Variants in STARD3NL observed in about 807,000 individuals in gnomAD.
STARD3NL encodes STARD3 N-terminal-like protein.
STARD3NL carries 17 observed loss-of-function variants against 30.9 expected under a neutral mutation model. The ratio of observed to expected loss-of-function variants is 0.55; its 90% CI spans 0.38 to 0.82. The LOEUF is 0.82. Among genes scored for constraint, STARD3NL ranks in the 40% least tolerant of loss-of-function variants. STARD3NL has a pLI of 0.00. For synonymous variants in STARD3NL, 112 were observed against 100.5 expected (o/e 1.11, Z -0.69); for missense variants, 234 against 277.6 (o/e 0.84, Z 1.12).
chr7:38,184,387 C>G (rs561287257), intron 1 of STARD3NL, among the ~76,000 whole-genome samples: 66 of 151,938 alleles, frequency 4.3e-4, no homozygotes, highest in African/African-American at 1.5e-3. Flanking sequence ...TTAATTGGCT[C>G]ACAGTTCTGC....
rs538059739 is a variant in STARD3NL at position 38,222,583 on chromosome 7, A to G, written c.649+2923A>G. Among the ~76,000 whole-genome samples the G allele has an allele frequency of 5.3e-5, 8 of 152,316 alleles. No individual in the cohort carries two copies. The South Asian group carries it at 6.2e-4, about 12-fold the overall frequency. ...TTCTTAACTAGAGTTCAGAACATAG[A>G]ATAGTAGTGATACGAGGAACACGGT... is the stretch of plus-strand genomic sequence containing the variant. On this transcript the variant is annotated intron_variant, in intron 7 of 8. Coordinates refer to ENST00000009041, the MANE Select transcript of STARD3NL (RefSeq NM_032016.4).
At chr7:38,206,455 A>C (rs115420345) in intron 1 of STARD3NL, among the ~76,000 whole-genome samples, 249 of 152,248 alleles carry the variant, frequency 1.6e-3, no homozygotes, top group African/African-American at 5.8e-3. Flanking sequence ...ACCATCCACC[A>C]CACTTCGTTT....
intron 1 of STARD3NL, among the ~76,000 whole-genome samples, chr7:38,180,269 G>T (rs891009851): frequency 6.6e-6 from 1 of 152,168 alleles, no homozygotes; most frequent in African/African-American, 2.4e-5. Context: ...GATGTAGTTT[G>T]TTTCCTTTCC....
chr7:38,203,022 T>G (rs1223879421), intron 1 of STARD3NL, among the ~76,000 whole-genome samples: 1 of 121,932 alleles, frequency 8.2e-6, no homozygotes, highest in African/African-American at 2.8e-5. Flanking sequence ...TGAATAGTGC[T>G]GCAATAAACA....
chr7:38,195,080 C>T (rs2116058230), intron 1 of STARD3NL, among the ~76,000 whole-genome samples: 1 of 152,192 alleles, frequency 6.6e-6, no homozygotes, highest in South Asian at 2.1e-4. Context: ...TATATTTGGA[C>T]TGAGTCTTGC....
intron 2 of STARD3NL, among the ~76,000 whole-genome samples, chr7:38,212,764 T>C (rs902642013): frequency 5.9e-5 from 9 of 152,144 alleles, no homozygotes; most frequent in African/African-American, 1.9e-4. Context: ...ATGAGAAGAC[T>C]TGTTGATAGG....
intron 1 of STARD3NL, among the ~76,000 whole-genome samples, chr7:38,201,177 A>T (rs966429924): frequency 6.6e-6 from 1 of 152,234 alleles, no homozygotes; most frequent in Admixed American, 6.5e-5. Context: ...CCAGAGAAAG[A>T]TCAGTTTGAT....
intron 1 of STARD3NL, among the ~76,000 whole-genome samples, chr7:38,202,682 T>C (rs1451030193): frequency 2.6e-5 from 4 of 151,638 alleles, no homozygotes; most frequent in Non-Finnish European, 5.9e-5. Context: ...CATTAACTCA[T>C]CATTTACATT....
Position 38,215,114 on chromosome 7 carries a change from G to C in STARD3NL, c.381+9G>C, listed in dbSNP as rs747933458. Reference sequence around the variant, plus strand: ...ATTGGTGGGCAATAGCGGTGAGTATGCCCTGCATGAGTGGGTCATCTCCTC... The same window carrying C: ...ATTGGTGGGCAATAGCGGTGAGTATCCCCTGCATGAGTGGGTCATCTCCTC... On this transcript the variant is annotated intron_variant, in intron 4 of 8. Coordinates refer to ENST00000009041, the MANE Select transcript of STARD3NL (RefSeq NM_032016.4). The C allele has an allele frequency of 2.5e-6, 4 of 1,613,700 alleles. No homozygotes were observed. The highest frequency in any genetic ancestry group is 3.4e-6 in the Non-Finnish European group (4 of 1,179,742).
intron 1 of STARD3NL, among the ~76,000 whole-genome samples, chr7:38,193,263 C>T (rs1784764186): frequency 6.7e-6 from 1 of 150,322 alleles, no homozygotes; most frequent in South Asian, 2.1e-4. Context: ...AATGTCTGTC[C>T]TCCTATTAGG....
intron 1 of STARD3NL, among the ~76,000 whole-genome samples, chr7:38,184,032 A>T (rs1784353486): frequency 6.6e-6 from 1 of 152,188 alleles, no homozygotes; most frequent in South Asian, 2.1e-4. Flanking sequence ...GGGTGCTAAG[A>T]ATATAGAATG....
intron 7 of STARD3NL, among the ~76,000 whole-genome samples, chr7:38,228,557 G>A (rs567968581): frequency 1.3e-5 from 2 of 152,324 alleles, no homozygotes; most frequent in Admixed American, 1.3e-4. Flanking sequence ...AATATTCTTA[G>A]TACATAAGTG....
rs891004687 is a variant in STARD3NL at position 38,219,415 on chromosome 7, A to G, written c.554-150A>G. The G allele has an allele frequency of 1.6e-4, 86 of 529,532 alleles. No individual in the cohort carries two copies. The East Asian group carries it at 2.7e-3, about 17-fold the overall frequency. The allele number at this position is 529,532 out of a possible 1,614,324, so 32.8% of individuals were successfully genotyped here. A position where few individuals can be genotyped will look rare whatever the true frequency, so the allele number is the denominator to read the frequency against. ...GTATTGTTTGTCATTTGTTAATGAAACTTATTGTTTGGTTGAAACATTTTT... is the reference window on the plus strand; with the variant it reads ...GTATTGTTTGTCATTTGTTAATGAAGCTTATTGTTTGGTTGAAACATTTTT... On this transcript the variant is annotated intron_variant, in intron 6 of 8. Coordinates refer to ENST00000009041, the MANE Select transcript of STARD3NL (RefSeq NM_032016.4).
At chr7:38,180,176 C>A (rs1330732065) in intron 1 of STARD3NL, among the ~76,000 whole-genome samples, 3 of 152,234 alleles carry the variant, frequency 2.0e-5, no homozygotes, top group Admixed American at 6.5e-5. Context: ...GTTATGAAAT[C>A]ATTGCAGTAA....
At chr7:38,219,481 A>T in intron 6 of STARD3NL, 84 bp from the exon 7 acceptor site, 1 of 895,218 alleles carries the variant, frequency 1.1e-6, no homozygotes, top group Non-Finnish European at 1.8e-6. Flanking sequence ...TGTAATAATA[A>T]TACCATTTTA....
At chr7:38,186,938 A>G (rs1583772787) in intron 1 of STARD3NL, among the ~76,000 whole-genome samples, 1 of 152,220 alleles carries the variant, frequency 6.6e-6, no homozygotes, top group East Asian at 1.9e-4. Context: ...CTGTGAGAAT[A>G]AAAGGTTGGA....
intron 2 of STARD3NL, among the ~76,000 whole-genome samples, chr7:38,212,336 C>T (rs1451101139): frequency 6.6e-6 from 1 of 152,154 alleles, no homozygotes; most frequent in African/African-American, 2.4e-5. Flanking sequence ...GACCCTTCTA[C>T]TAGTTGTTTC....
intron 7 of STARD3NL, among the ~76,000 whole-genome samples, chr7:38,226,782 C>T (rs1296505461): frequency 6.6e-6 from 1 of 152,194 alleles, no homozygotes; most frequent in African/African-American, 2.4e-5. Flanking sequence ...GTCAGTGTCA[C>T]TGGGCATGAG....
intron 2 of STARD3NL, among the ~76,000 whole-genome samples, chr7:38,209,716 G>C (rs1430111004): frequency 6.6e-6 from 1 of 152,164 alleles, no homozygotes; most frequent in Non-Finnish European, 1.5e-5. Context: ...TTTAAATGAG[G>C]AAAGTCATGG....
Sources: gnomAD v4.1 joint callset for allele counts (sites outside exome capture counted in the v4.1 genomes callset) on GRCh38, gnomAD v4.1.1 for gene constraint, MANE v1.5 for transcripts, NCBI Gene and HGNC (gene_info 2026-07-23, HGNC 2026-07-21) for gene names.